PRDM2: variants seen among roughly 807,000 people sequenced by gnomAD.
PRDM2 encodes PR/SET domain 2.
Under a neutral mutation model 130.0 loss-of-function variants are expected in PRDM2, and 30 were observed. That is an observed-to-expected ratio of 0.23 (90% confidence interval 0.17 to 0.31). PRDM2 has a LOEUF of 0.31. Ranked by LOEUF, PRDM2 falls within the 10% of genes least tolerant of loss-of-function variation. PRDM2 has a pLI of 1.00. For missense variants in PRDM2, 2,011 were observed against 2,108.4 expected, an observed-to-expected ratio of 0.95 and a Z score of 0.90; for synonymous variants, 871 against 782.4, an observed-to-expected ratio of 1.11 and a Z score of -1.89.
intron 6 of PRDM2, among the ~76,000 whole-genome samples, chr1:13,761,414 T>C (rs1331841065): frequency 6.6e-6 from 1 of 152,212 alleles, no homozygotes; most frequent in Non-Finnish European, 1.5e-5. Flanking sequence ...TAGAAGGTGC[T>C]AATTAATTTG....
chr1:13,816,508 A>T lies in PRDM2; in HGVS notation c.5118A>T (p.Pro1706=), dbSNP rs1046331. 1 of 1,614,036 alleles carries T rather than the reference A, an allele frequency of 6.2e-7. No homozygotes were observed. The highest frequency in any genetic ancestry group is 1.1e-5 in the South Asian group (1 of 91,086). Residue 1706 remains proline (P), a synonymous_variant, in exon 9 of 10, where the codon CCA becomes CCT. Coordinates refer to ENST00000311066, the MANE Select transcript of PRDM2 (RefSeq NM_001393986.1). Reference sequence around the variant, plus strand: ...GGCAGTATAGGAAGGTCAAAGCTCCAGCTGCAGCCCAGTTCCAGGGACCAT... The same window carrying T: ...GGCAGTATAGGAAGGTCAAAGCTCCTGCTGCAGCCCAGTTCCAGGGACCAT... The part of the protein sequence containing the change: ...ITRQYRKVKA[P]AAAQFQGPFF...
In PRDM2 at chr1:13,779,920, A is replaced by G. The variant is rs1287573161; in HGVS notation, c.2125A>G (p.Thr709Ala). 6.2e-7 allele frequency: 1 copy of G among 1,613,908 alleles called. No individual in the cohort carries two copies. Among genetic ancestry groups the G allele is most frequent in the Non-Finnish European group, 8.5e-7 (1 of 1,179,906 alleles). The part of the protein sequence containing the change: ...DKLTPAGISA[T>A]EIAKLGPVCV... ...ACTAACTCCTGCAGGGATTTCAGCA[A>G]CTGAAATAGCTAAATTAGGTCCTGT... The change falls in exon 8 of 10, where the codon ACT becomes GCT. Residue 709 changes from threonine (T) to alanine (A), a missense_variant. Thr to Ala is a moderately conservative substitution (Grantham distance 58). Transcript: ENST00000311066. This position sits in a 1 kb window ranked among gnomAD's most constrained non-coding sequence, Gnocchi z 4.9.
At chr1:13,788,122 G>C in intron 8 of PRDM2, 6 of 949,668 alleles carry the variant, frequency 6.3e-6, no homozygotes, top group Non-Finnish European at 7.5e-6. Flanking sequence ...GGAGCAGTTA[G>C]GGGGTAAAAC....
chr1:13,739,462 T>G (rs1277488883), intron 4 of PRDM2, among the ~76,000 whole-genome samples: 2 of 152,186 alleles, frequency 1.3e-5, no homozygotes, highest in Admixed American at 1.3e-4. Flanking sequence ...AATGCATGTT[T>G]ATTGGAAAAA....
intron 5 of PRDM2, among the ~76,000 whole-genome samples, chr1:13,746,932 A>G (rs1266348700): frequency 6.6e-6 from 1 of 152,210 alleles, no homozygotes; most frequent in Non-Finnish European, 1.5e-5. Context: ...TAGAAATTTT[A>G]TATTTGATTT....
intron 8 of PRDM2, among the ~76,000 whole-genome samples, chr1:13,807,337 G>A (rs997923872): frequency 6.6e-6 from 1 of 152,258 alleles, no homozygotes; most frequent in African/African-American, 2.4e-5. Flanking sequence ...GACTGCTACT[G>A]TATGCCAGCC....
At chr1:13,726,134 T>C (rs1642908514) in intron 2 of PRDM2, among the ~76,000 whole-genome samples, 2 of 152,236 alleles carry the variant, frequency 1.3e-5, no homozygotes, top group South Asian at 4.1e-4. Context: ...AGGTGATAAG[T>C]GCTCACAGTT....
At chr1:13,707,963 T>C (rs909124391) in intron 1 of PRDM2, among the ~76,000 whole-genome samples, 1 of 152,096 alleles carries the variant, frequency 6.6e-6, no homozygotes, top group African/African-American at 2.4e-5. Flanking sequence ...TAAACAAAGC[T>C]TGAGATTTGT....
chr1:13,717,507 T>A (rs924159342), intron 2 of PRDM2: 3 of 836,224 alleles, frequency 3.6e-6, no homozygotes, highest in South Asian at 1.1e-4. Flanking sequence ...TTGATATGTC[T>A]ACATCTTTAA....
chr1:13,774,710 C>G (rs1168250264), intron 7 of PRDM2, among the ~76,000 whole-genome samples: 1 of 152,152 alleles, frequency 6.6e-6, no homozygotes, highest in East Asian at 1.9e-4. Flanking sequence ...GGCGCGGTGG[C>G]TCACGCCTGT....
chr1:13,779,311 C>G lies in PRDM2; in HGVS notation c.1516C>G (p.His506Asp). Reference sequence around the variant, plus strand: ...TATGAGACGGCATCAGCGTAGAGTTCACGAACGTCATCTGATTCCCAAAGG... The same window carrying G: ...TATGAGACGGCATCAGCGTAGAGTTGACGAACGTCATCTGATTCCCAAAGG... ...TNMRRHQRRV[H>D]ERHLIPKGVR... The change falls in exon 8 of 10, where the codon CAC (histidine) becomes GAC (aspartate). Residue 506 changes from histidine to aspartate, a missense_variant. Coordinates refer to ENST00000311066, the MANE Select transcript of PRDM2 (RefSeq NM_001393986.1). The surrounding 1 kb of genome is among the most constrained non-coding windows in gnomAD (Gnocchi z 4.9). The G allele has an allele frequency of 1.2e-6, 2 of 1,614,086 alleles. No homozygotes were observed. The highest frequency in any genetic ancestry group is 1.1e-5 in the South Asian group (1 of 91,078).
intron 6 of PRDM2, among the ~76,000 whole-genome samples, chr1:13,772,626 T>C (rs1209593054): frequency 2.6e-5 from 4 of 152,260 alleles, no homozygotes; most frequent in African/African-American, 9.6e-5. Flanking sequence ...CCAACAATTA[T>C]GGATAATCAT....
chr1:13,707,480 G>A lies in PRDM2; in HGVS notation c.-66+7180G>A, dbSNP rs376329837. 3.3e-5 allele frequency among the ~76,000 whole-genome samples: 5 copies of A among 152,304 alleles called. No individual in the cohort carries two copies. In the East Asian group the frequency reaches 7.7e-4, roughly 23 times the overall value. ...AAATTTTGTCTGAGTTAGAAGCTTG[G>A]CATTTGAGCCTTAGTCAAGAATTGA... On this transcript the variant is annotated intron_variant, in intron 1 of 9. Coordinates refer to ENST00000311066, the MANE Select transcript of PRDM2 (RefSeq NM_001393986.1).
At position 13,700,233 on chromosome 1, in the gene PRDM2, G is replaced by A. The variant is rs1569630340; in HGVS notation, c.-133G>A. The A allele has an allele frequency of 6.6e-6, 1 of 152,420 alleles. No homozygotes were observed. Among genetic ancestry groups the A allele is most frequent in the Non-Finnish European group, 1.5e-5 (1 of 68,246 alleles). 9.4% of individuals were successfully genotyped at this position (152,420 alleles called of 1,614,324 possible). ...TGGCGGCGGCGCGGCCGCGGGCGCC[G>A]GGGCCGGCGAAACAGCGGCGGCGGC... On this transcript the variant is annotated 5_prime_UTR_variant, in exon 1 of 10. Transcript: ENST00000311066.
At chr1:13,798,563 A>G (rs922856959) in intron 8 of PRDM2, among the ~76,000 whole-genome samples, 6 of 152,218 alleles carry the variant, frequency 3.9e-5, no homozygotes, top group Non-Finnish European at 8.8e-5. Context: ...CTCCCAGTCT[A>G]CACTGGTACA....
In PRDM2 at chr1:13,770,950, G is replaced by C. The variant is rs377057498; in HGVS notation, c.512-2128G>C. 4.0e-4 allele frequency among the ~76,000 whole-genome samples: 61 copies of C among 152,310 alleles called. No individual in the cohort carries two copies. In the South Asian group the frequency reaches 0.012, roughly 30 times the overall value. On this transcript the variant is annotated intron_variant, in intron 6 of 9. Transcript: ENST00000311066. The stretch of plus-strand genomic sequence containing the variant: ...ATTTGCATTATGGATGTGGGTGGGC[G>C]ATAAGCATTTTGTTTGCTCTCAGTA...
chr1:13,756,960 C>T (rs1271897854), intron 6 of PRDM2, among the ~76,000 whole-genome samples: 2 of 152,230 alleles, frequency 1.3e-5, no homozygotes, highest in South Asian at 2.1e-4. Flanking sequence ...AAGGCTCTGT[C>T]TGTCTAAATC....
chr1:13,814,589 G>C (rs1645227651), intron 8 of PRDM2, among the ~76,000 whole-genome samples: 1 of 152,198 alleles, frequency 6.6e-6, no homozygotes, highest in Non-Finnish European at 1.5e-5. Flanking sequence ...GGGCACTGTA[G>C]GAGGTTTGGC....
chr1:13,765,553 C>G (rs1644206832), intron 6 of PRDM2, among the ~76,000 whole-genome samples: 2 of 152,024 alleles, frequency 1.3e-5, no homozygotes, highest in Non-Finnish European at 2.9e-5. Context: ...GCAGCCTCCG[C>G]CTCCTGGGTT....
Sources: gnomAD v4.1 joint callset for allele counts (sites outside exome capture counted in the v4.1 genomes callset) on GRCh38, gnomAD v4.1.1 for gene constraint, Gnocchi (gnomAD v3.1) non-coding constraint, MANE v1.5 for transcripts, NCBI Gene and HGNC (gene_info 2026-07-23, HGNC 2026-07-21) for gene names.